The following PASD1 variants were observed in gnomAD, a reference collection of about 807,000 sequenced individuals.
PASD1 encodes the protein PAS domain containing repressor 1.
A neutral mutation model predicts 58.8 loss-of-function variants in PASD1; 13 were observed. The observed-to-expected ratio is 0.22, with a 90% CI of 0.14 to 0.35. The LOEUF is 0.35. PASD1 is among the 10% of genes least tolerant of loss of function. PASD1 has a pLI of 1.00. For synonymous variants in PASD1, 236 were observed against 216.7 expected, an observed-to-expected ratio of 1.09 and a Z score of -0.78; for missense variants, 734 against 568.3, an observed-to-expected ratio of 1.29 and a Z score of -2.96.
chrX:151,667,636 G>T (rs896549152), intron 11 of PASD1, among the ~76,000 whole-genome samples: 2 of 111,986 alleles, frequency 1.8e-5, no homozygotes, highest in Non-Finnish European at 3.8e-5. Flanking sequence ...GTTAAATAGG[G>T]AATCCTTTCC....
intron 1 of PASD1, among the ~76,000 whole-genome samples, chrX:151,568,032 A>G (rs2012873260): frequency 8.9e-6 from 1 of 112,060 alleles, no homozygotes; most frequent in African/African-American, 3.2e-5. Flanking sequence ...AACAATTGTC[A>G]TATTTTTTAA....
In PASD1 at chrX:151,643,893, T is replaced by C. The variant is rs2014026212; in HGVS notation, c.630-4722T>C. Among the ~76,000 whole-genome samples the C allele has an allele frequency of 3.6e-5, 4 of 112,326 alleles. No homozygotes were observed. In the South Asian group the frequency reaches 1.5e-3, roughly 42 times the overall value. ...TATTGTAGGATTCAGAAAGGTAATA[T>C]GTGTAAGATACAGACCCCTGGGTAG... On this transcript the variant is annotated intron_variant, in intron 8 of 15. Transcript: ENST00000370357.
chrX:151,662,703 T>C (rs1053927682), intron 10 of PASD1, among the ~76,000 whole-genome samples: 1 of 112,463 alleles, frequency 8.9e-6, no homozygotes, highest in African/African-American at 3.2e-5. Flanking sequence ...TTCTAGCCTT[T>C]TCTGTCTGCT....
At chrX:151,604,587 C>A in intron 2 of PASD1, 59 bp from the exon 3 acceptor site, 2 of 836,792 alleles carry the variant, frequency 2.4e-6, no homozygotes, top group East Asian at 3.3e-5. Context: ...AAATCTAATA[C>A]CCATAGCTAA....
At chrX:151,656,750 C>G (rs371501146) in intron 9 of PASD1, among the ~76,000 whole-genome samples, 1,242 of 111,479 alleles carry the variant, frequency 0.011, 5 homozygotes, top group South Asian at 0.022. Flanking sequence ...AGCTTAAGGA[C>G]ATTTTGGGCT....
intron 1 of PASD1, among the ~76,000 whole-genome samples, chrX:151,595,819 T>C (rs1025221836): frequency 1.8e-5 from 2 of 111,947 alleles, no homozygotes; most frequent in Admixed American, 1.9e-4. Flanking sequence ...GCTCCACAAA[T>C]TGTAACCATC....
At chrX:151,645,010 C>A in intron 8 of PASD1, among the ~76,000 whole-genome samples, 1 of 110,988 alleles carries the variant, frequency 9.0e-6, no homozygotes, top group East Asian at 2.8e-4. Context: ...CTGCTAGTAT[C>A]TAGTTATCAA....
intron 8 of PASD1, among the ~76,000 whole-genome samples, chrX:151,634,154 T>C (rs2013900938): frequency 9.0e-6 from 1 of 111,640 alleles, no homozygotes; most frequent in Non-Finnish European, 1.9e-5. Flanking sequence ...GAACTATATG[T>C]GTCCTCTTTT....
At chrX:151,613,056 A>C (rs1171055572) in intron 4 of PASD1, among the ~76,000 whole-genome samples, 3 of 112,036 alleles carry the variant, frequency 2.7e-5, no homozygotes, top group Non-Finnish European at 5.6e-5. Context: ...TTTTCCCAGC[A>C]CCATTTGTTA....
At chrX:151,621,296 G>T (rs1260812777) in intron 5 of PASD1, among the ~76,000 whole-genome samples, 186 bp from the exon 6 acceptor site, 2 of 111,204 alleles carry the variant, frequency 1.8e-5, no homozygotes, top group Non-Finnish European at 3.8e-5. Flanking sequence ...TGTATATAGC[G>T]TTCTAGCTGG....
intron 1 of PASD1, among the ~76,000 whole-genome samples, chrX:151,577,007 G>A (rs986461516): frequency 9.0e-6 from 1 of 111,512 alleles, no homozygotes; most frequent in African/African-American, 3.3e-5. Context: ...TATGCGGCTC[G>A]TCAATTCTGT....
At chrX:151,669,176 GTATATATA>G (rs773707851) in intron 11 of PASD1, among the ~76,000 whole-genome samples, 1 of 101,475 alleles carries the variant, frequency 9.9e-6, no homozygotes, top group East Asian at 3.0e-4. Flanking sequence ...ATGTGTGTGT[GTATATATA>G]TATATATATA....
At chrX:151,646,701 T>C (rs1369480407) in intron 8 of PASD1, among the ~76,000 whole-genome samples, 3 of 112,491 alleles carry the variant, frequency 2.7e-5, no homozygotes, top group Non-Finnish European at 5.6e-5. Context: ...CTCCAGCTTG[T>C]TCATTAAAAT....
chrX:151,626,318 G>A (rs1472273008), intron 8 of PASD1, among the ~76,000 whole-genome samples: 1 of 111,717 alleles, frequency 9.0e-6, no homozygotes, highest in Non-Finnish European at 1.9e-5. Flanking sequence ...CACATTTTCA[G>A]AGAATAGAAG....
At chrX:151,671,512 T>G in intron 12 of PASD1, 61 bp from the exon 13 acceptor site, 4 of 1,152,334 alleles carry the variant, frequency 3.5e-6, no homozygotes, top group Non-Finnish European at 4.7e-6. Context: ...CCAGCTTGTC[T>G]TATGCCTTAA....
chrX:151,568,669 T>A (rs987031441), intron 1 of PASD1, among the ~76,000 whole-genome samples: 3 of 112,122 alleles, frequency 2.7e-5, no homozygotes, highest in Non-Finnish European at 5.6e-5. Context: ...GCAATATTTG[T>A]TGATTTCATG....
chrX:151,622,976 T>A lies in PASD1; in HGVS notation c.458T>A (p.Leu153His). ...VVFSGLFSSH[L>H]CADFAACVPQ... ...TTTAGTGGCTTGTTTTCCAGCCACC[T>A]CTGTGCTGACTTTGCTGCATGTGTT... The change falls in exon 7 of 16, where the codon CTC (leucine) becomes CAC (histidine). Residue 153 changes from leucine to histidine, a missense_variant. Leu to His is a moderately conservative substitution (Grantham distance 99, BLOSUM62 -3). Transcript: ENST00000370357. 2 of 1,209,179 alleles carry A rather than the reference T, an allele frequency of 1.7e-6. No homozygotes were observed. Among genetic ancestry groups the A allele is most frequent in the Non-Finnish European group, 2.2e-6 (2 of 893,190 alleles).
At position 151,676,563 on chromosome X, in the gene PASD1, A is replaced by G. The variant is rs138026217; in HGVS notation, c.*420A>G. ...TAGAGGGTTGTTTTGTCTTAGCCAC[A>G]AGAATTCCGAGGTCTTGACCCTGAT... On this transcript the variant is annotated 3_prime_UTR_variant, in exon 16 of 16. Coordinates refer to ENST00000370357, the MANE Select transcript of PASD1 (RefSeq NM_173493.3). 0.022 allele frequency: 2,517 copies of G among 116,704 alleles called. 72 individuals carry two copies. The highest frequency in any genetic ancestry group is 0.076 in the African/African-American group (2,367 of 30,970). The allele number at this position is 116,704 out of a possible 1,213,427, so 9.6% of individuals were successfully genotyped here. A position where few individuals can be genotyped will look rare whatever the true frequency, so the allele number is the denominator to read the frequency against.
chrX:151,594,709 A>G (rs1204694000), intron 1 of PASD1, among the ~76,000 whole-genome samples: 1 of 112,270 alleles, frequency 8.9e-6, no homozygotes, highest in East Asian at 2.8e-4. Context: ...ATTCTTTTAT[A>G]TTTATGAACA....
Sources: gnomAD v4.1 joint callset for allele counts (sites outside exome capture counted in the v4.1 genomes callset) on GRCh38, gnomAD v4.1.1 for gene constraint, MANE v1.5 for transcripts, NCBI Gene and HGNC (gene_info 2026-07-23, HGNC 2026-07-21) for gene names.